LY9: variants seen among roughly 807,000 people sequenced by gnomAD.
The protein encoded by LY9 is lymphocyte antigen 9.
Under a neutral mutation model 64.6 loss-of-function variants are expected in LY9, and 59 were observed. The ratio of observed to expected loss-of-function variants is 0.91; its 90% CI spans 0.74 to 1.13. The LOEUF is 1.13. Ranked by LOEUF, LY9 falls within the 50% of genes most tolerant of loss-of-function variation. The probability of loss-of-function intolerance (pLI) is 0.00; values close to 1 mark genes in which losing one functional copy is unlikely to be tolerated. For synonymous variants in LY9, 281 were observed against 308.5 expected (o/e 0.91, Z 0.93); for missense variants, 789 against 797.2 (o/e 0.99, Z 0.12).
chr1:160,797,020 C>A (rs1446416438), intron 1 of LY9: 1 of 606,412 alleles, frequency 1.6e-6, no homozygotes, highest in Non-Finnish European at 2.1e-6. Flanking sequence ...TGAGGTTTCA[C>A]TGGGGACCTG....
chr1:160,801,733 G>C (rs1483329557), intron 2 of LY9: 2 of 1,339,682 alleles, frequency 1.5e-6, no homozygotes, highest in African/African-American at 2.9e-5. Context: ...TTTTTTATAT[G>C]ATGAGAAATA....
chr1:160,813,355 G>A (rs1667668409), intron 2 of LY9: 3 of 449,774 alleles, frequency 6.7e-6, no homozygotes, highest in Admixed American at 3.9e-5. Flanking sequence ...TCAGACACAG[G>A]AATCAGCCCT....
At chr1:160,825,154 G>A (rs147979919) in intron 9 of LY9, among the ~76,000 whole-genome samples, 101 of 151,498 alleles carry the variant, frequency 6.7e-4, no homozygotes, top group Middle Eastern at 6.8e-3. Flanking sequence ...GCTGCAGTGA[G>A]CCAAGATCAT....
chr1:160,807,071 T>A (rs935515616), intron 2 of LY9, among the ~76,000 whole-genome samples: 1 of 152,240 alleles, frequency 6.6e-6, no homozygotes, highest in Non-Finnish European at 1.5e-5. Flanking sequence ...AATTCCAGAA[T>A]TCTATTCATT....
chr1:160,796,911 G>A (rs946980237), intron 1 of LY9, among the ~76,000 whole-genome samples: 2 of 152,264 alleles, frequency 1.3e-5, no homozygotes, highest in East Asian at 3.9e-4. Flanking sequence ...AAAATCCCCT[G>A]ATGAGAAGCC....
chr1:160,823,222 G>A (rs1290659702), intron 7 of LY9, among the ~76,000 whole-genome samples: 1 of 152,226 alleles, frequency 6.6e-6, no homozygotes, highest in African/African-American at 2.4e-5. Flanking sequence ...GGGCCAGAGA[G>A]TTGCTAAAGT....
chr1:160,813,312 T>A (rs767995130), intron 2 of LY9: 54 of 341,194 alleles, frequency 1.6e-4, no homozygotes, highest in Middle Eastern at 8.4e-4. Context: ...CATTCATGAG[T>A]GTTTTTCATA....
chr1:160,796,870 G>A (rs512197), intron 1 of LY9, among the ~76,000 whole-genome samples: 48,841 of 151,202 alleles, frequency 0.32, 7,988 homozygotes, highest in South Asian at 0.46. Context: ...TTCCCTGTAT[G>A]GTGTGGATAA....
At chr1:160,824,067 A>T in intron 8 of LY9, 114 bp from the exon 9 acceptor site, 1 of 1,342,554 alleles carries the variant, frequency 7.4e-7, no homozygotes, top group South Asian at 1.3e-5. Flanking sequence ...GGCAGCTCCC[A>T]CCCTGTGTGT....
At chr1:160,825,168 A>G (rs1271732458) in intron 9 of LY9, among the ~76,000 whole-genome samples, 1 of 151,702 alleles carries the variant, frequency 6.6e-6, no homozygotes, top group Non-Finnish European at 1.5e-5. Context: ...AGATCATGCC[A>G]CTGAAATCTA....
At chr1:160,803,278 G>C (rs559050162) in intron 2 of LY9, among the ~76,000 whole-genome samples, 1 of 139,654 alleles carries the variant, frequency 7.2e-6, no homozygotes, top group African/African-American at 2.6e-5. Context: ...TGAAAACCGT[G>C]TCTAAAAAAA....
At chr1:160,798,383 C>G (rs576088950) in intron 1 of LY9, among the ~76,000 whole-genome samples, 8 of 152,168 alleles carry the variant, frequency 5.3e-5, no homozygotes, top group African/African-American at 1.9e-4. Context: ...ATTTCAGCTC[C>G]TCATCTGTAA....
chr1:160,815,472 T>C (rs1358222759), intron 4 of LY9: 4 of 152,272 alleles, frequency 2.6e-5, no homozygotes, highest in African/African-American at 9.6e-5. Context: ...CTGCAACCTC[T>C]GACTACCAAG....
intron 2 of LY9, chr1:160,802,102 A>G: frequency 7.3e-7 from 1 of 1,373,624 alleles, no homozygotes. Context: ...CGTCGGGAAC[A>G]CCGGAGCCGC....
chr1:160,813,706 T>C lies in LY9; in HGVS notation c.525T>C (p.Thr175=). The C allele has an allele frequency of 1.9e-6, 3 of 1,614,148 alleles. No individual in the cohort carries two copies. The highest frequency in any genetic ancestry group is 2.5e-6 in the Non-Finnish European group (3 of 1,180,014). ...KVSENFSCNI[T]LMCSVKGAEK... is the part of the protein sequence containing the mutation. ...CTGAGAACTTCTCCTGTAACATCAC[T>C]CTAATGTGCTCCGTGAAGGGGGCAG... The change falls in exon 3 of 10, where the codon ACT becomes ACC. Residue 175 remains threonine, a synonymous_variant. Coordinates refer to ENST00000263285, the MANE Select transcript of LY9 (RefSeq NM_002348.4).
intron 5 of LY9, among the ~76,000 whole-genome samples, chr1:160,817,599 A>G (rs1019064751): frequency 2.0e-5 from 3 of 152,200 alleles, no homozygotes; most frequent in Non-Finnish European, 4.4e-5. Flanking sequence ...GCTAAGTACT[A>G]TTCTAGGCCT....
intron 9 of LY9, chr1:160,824,540 A>G (rs1221627719): frequency 1.0e-6 from 1 of 985,136 alleles, no homozygotes; most frequent in Non-Finnish European, 1.2e-6. Context: ...GGGTCTTTAT[A>G]GCTTTTTAAA....
chr1:160,826,629 T>C (rs1338165023), intron 9 of LY9, among the ~76,000 whole-genome samples: 1 of 152,168 alleles, frequency 6.6e-6, no homozygotes, highest in Non-Finnish European at 1.5e-5. Context: ...GTGGGGGATA[T>C]CACTGCACTG....
In LY9 at chr1:160,823,748, G is replaced by C; in HGVS notation, c.1782G>C (p.Glu594Asp). ...TCACTCCATATGTCACGGAAGTTGA[G>C]TCTGTGGTTGGAGAGAACACCATGT... is the stretch of plus-strand genomic sequence containing the variant. The part of the protein sequence containing the change: ...DPVTPYVTEV[E>D]SVVGENTMYA... The change falls in exon 8 of 10, where the codon GAG becomes GAC. Residue 594 changes from glutamate (E) to aspartate (D), a missense_variant. Glu to Asp is a conservative substitution (Grantham distance 45). Coordinates refer to ENST00000263285, the MANE Select transcript of LY9 (RefSeq NM_002348.4). The C allele has an allele frequency of 6.2e-7, 1 of 1,614,182 alleles. No homozygotes were observed. Among genetic ancestry groups the C allele is most frequent in the South Asian group, 1.1e-5 (1 of 91,082 alleles).
Sources: gnomAD v4.1 joint callset for allele counts (sites outside exome capture counted in the v4.1 genomes callset) on GRCh38, gnomAD v4.1.1 for gene constraint, MANE v1.5 for transcripts, NCBI Gene and HGNC (gene_info 2026-07-23, HGNC 2026-07-21) for gene names.